XYLT1: variants seen among roughly 807,000 people sequenced by gnomAD.
XYLT1 encodes beta-D-xylosyltransferase 1.
A neutral mutation model predicts 91.3 loss-of-function variants in XYLT1; 36 were observed. The ratio of observed to expected loss-of-function variants is 0.39; its 90% CI spans 0.30 to 0.52. The LOEUF (loss-of-function observed/expected upper bound fraction) is 0.52, where lower values mean the gene tolerates loss of function less well. Ranked by LOEUF, XYLT1 falls within the 20% of genes least tolerant of loss-of-function variation. XYLT1 has a pLI of 0.68. For missense variants in XYLT1, 1,242 were observed against 1,284.5 expected (o/e 0.97, Z 0.51); for synonymous variants, 588 against 532.0 (o/e 1.11, Z -1.45).
At chr16:17,436,951 G>A (rs532494821) in intron 1 of XYLT1, among the ~76,000 whole-genome samples, 1 of 152,308 alleles carries the variant, frequency 6.6e-6, no homozygotes, top group Non-Finnish European at 1.5e-5. Context: ...CATGTGAAAT[G>A]GGTGATGATA....
In XYLT1 at chr16:17,348,535, T is replaced by C. The variant is rs569767190; in HGVS notation, c.402+9477A>G. Among the ~76,000 whole-genome samples, 8 of 152,248 alleles carry C rather than the reference T, an allele frequency of 5.3e-5. No homozygotes were observed. The South Asian group carries it at 1.2e-3, about 24-fold the overall frequency. On this transcript the variant is annotated intron_variant, in intron 2 of 11. Coordinates refer to ENST00000261381, the MANE Select transcript of XYLT1 (RefSeq NM_022166.4). The stretch of plus-strand genomic sequence containing the variant: ...CCTCTCCATGCCTCAGTGTCTTCAC[T>C]TGCAAAGGAAGGGTGTGAGAGCACC...
intron 1 of XYLT1, among the ~76,000 whole-genome samples, chr16:17,391,916 C>G (rs555487632): frequency 1.3e-5 from 2 of 152,284 alleles, no homozygotes; most frequent in South Asian, 4.2e-4. Context: ...GTAAGATGGG[C>G]CTTTGCTCCT....
chr16:17,431,365 C>T (rs926115185), intron 1 of XYLT1, among the ~76,000 whole-genome samples: 7 of 152,112 alleles, frequency 4.6e-5, no homozygotes, highest in Non-Finnish European at 1.0e-4. Context: ...TGAGATTCTG[C>T]ATTCCTAACA....
chr16:17,149,098 CAG>C (rs1041246053), intron 6 of XYLT1, among the ~76,000 whole-genome samples: 1 of 152,190 alleles, frequency 6.6e-6, no homozygotes, highest in African/African-American at 2.4e-5. Context: ...GTAAATCAGA[CAG>C]AGGGTGGGAA....
intron 1 of XYLT1, among the ~76,000 whole-genome samples, chr16:17,416,071 T>C (rs1379056431): frequency 6.6e-6 from 1 of 152,220 alleles, no homozygotes; most frequent in Non-Finnish European, 1.5e-5. Flanking sequence ...AGCTCGGCCC[T>C]CCCGACAATT....
At chr16:17,134,884 C>T in intron 8 of XYLT1, 149 bp from the exon 9 acceptor site, 3 of 901,344 alleles carry the variant, frequency 3.3e-6, no homozygotes, top group Non-Finnish European at 3.4e-6. Context: ...TTCTCAGTTT[C>T]AACATCTGTA....
intron 1 of XYLT1, among the ~76,000 whole-genome samples, chr16:17,460,652 C>T (rs1438089732): frequency 6.6e-6 from 1 of 152,176 alleles, no homozygotes. Flanking sequence ...CTTAGGGACC[C>T]AGTGGGTCTG....
intron 1 of XYLT1, among the ~76,000 whole-genome samples, chr16:17,403,130 C>T (rs1299116629): frequency 6.6e-6 from 1 of 152,144 alleles, no homozygotes; most frequent in Non-Finnish European, 1.5e-5. Context: ...ATAAGCCAGC[C>T]ACAGCTAACA....
At chr16:17,305,711 T>C (rs1270474836) in intron 2 of XYLT1, among the ~76,000 whole-genome samples, 1 of 152,074 alleles carries the variant, frequency 6.6e-6, no homozygotes, top group African/African-American at 2.4e-5. Flanking sequence ...CCTTCTTTCT[T>C]AACAGCATTA....
chr16:17,429,607 T>C (rs2036364782), intron 1 of XYLT1, among the ~76,000 whole-genome samples: 1 of 152,222 alleles, frequency 6.6e-6, no homozygotes, highest in Non-Finnish European at 1.5e-5. Flanking sequence ...TCTGTGAAGG[T>C]GTTTCTGGAC....
chr16:17,134,606 C>G lies in XYLT1; in HGVS notation c.1894G>C (p.Glu632Gln). The G allele has an allele frequency of 6.2e-7, 1 of 1,614,194 alleles. No homozygotes were observed. The highest frequency in any genetic ancestry group is 1.6e-4 in the Middle Eastern group (1 of 6,062). ...CCGTCAGGCTCATCGTAGACATTCT[C>G]CCAGTAGGAGCGCAGGCCCGGGGTA... is the stretch of plus-strand genomic sequence containing the variant. ...AGTPGLRSYW[E>Q]NVYDEPDGIH... Residue 632 changes from glutamate to glutamine, a missense_variant, in exon 9 of 12, where the codon GAG becomes CAG. By Grantham distance (29) the Glu-to-Gln change is conservative. Transcript: ENST00000261381.
chr16:17,280,892 G>T (rs2034046515), intron 2 of XYLT1, among the ~76,000 whole-genome samples: 1 of 152,060 alleles, frequency 6.6e-6, no homozygotes, highest in African/African-American at 2.4e-5. Flanking sequence ...GATGCAGAAG[G>T]AATGACAGCA....
At chr16:17,262,758 G>A (rs781766989) in intron 2 of XYLT1, among the ~76,000 whole-genome samples, 2 of 152,126 alleles carry the variant, frequency 1.3e-5, no homozygotes, top group Non-Finnish European at 2.9e-5. Context: ...GGCCCATGTG[G>A]AGTAGAGACT....
intron 3 of XYLT1, among the ~76,000 whole-genome samples, chr16:17,225,617 A>AC (rs965373137): frequency 5.9e-5 from 9 of 151,888 alleles, no homozygotes; most frequent in Non-Finnish European, 8.8e-5. Flanking sequence ...AAAAAAAAAA[A>AC]CCCAATTTTC....
chr16:17,409,621 C>G (rs1236619570), intron 1 of XYLT1, among the ~76,000 whole-genome samples: 1 of 148,106 alleles, frequency 6.8e-6, no homozygotes, highest in African/African-American at 2.5e-5. Context: ...GTGATCTCGG[C>G]TCACTGCAAC....
chr16:17,319,361 T>C (rs1596479971), intron 2 of XYLT1, among the ~76,000 whole-genome samples: 1 of 152,248 alleles, frequency 6.6e-6, no homozygotes, highest in East Asian at 1.9e-4. Flanking sequence ...AAGGGTCCTG[T>C]CTTTATTCTA....
chr16:17,343,109 C>A (rs2035087514), intron 2 of XYLT1, among the ~76,000 whole-genome samples: 1 of 152,218 alleles, frequency 6.6e-6, no homozygotes, highest in South Asian at 2.1e-4. Flanking sequence ...CTGGTTGTCT[C>A]AGGCAGCTGC....
chr16:17,126,811 C>T (rs924132982), intron 10 of XYLT1, among the ~76,000 whole-genome samples: 2 of 152,120 alleles, frequency 1.3e-5, no homozygotes, highest in African/African-American at 4.8e-5. Context: ...CACCACGACC[C>T]AAGTACACTC....
chr16:17,223,734 T>A (rs1252250086), intron 3 of XYLT1, among the ~76,000 whole-genome samples: 2 of 152,356 alleles, frequency 1.3e-5, no homozygotes, highest in East Asian at 3.9e-4. Flanking sequence ...ACCATCTTCA[T>A]GTTAGAGACA....
Sources: gnomAD v4.1 joint callset for allele counts (sites outside exome capture counted in the v4.1 genomes callset) on GRCh38, gnomAD v4.1.1 for gene constraint, MANE v1.5 for transcripts, NCBI Gene and HGNC (gene_info 2026-07-23, HGNC 2026-07-21) for gene names.